Variants in CACNA1C observed in about 807,000 individuals in gnomAD.
The protein encoded by CACNA1C is voltage-dependent L-type calcium channel subunit alpha-1C.
Under a neutral mutation model 229.0 loss-of-function variants are expected in CACNA1C, and 30 were observed. The observed-to-expected ratio is 0.13, with a 90% CI of 0.10 to 0.18. CACNA1C has a LOEUF of 0.18. Among genes scored for constraint, CACNA1C ranks in the 10% least tolerant of loss-of-function variants. CACNA1C has a pLI of 1.00. For missense variants in CACNA1C, 1,658 were observed against 2,845.0 expected, an observed-to-expected ratio of 0.58 and a Z score of 9.49; for synonymous variants, 1,114 against 1,132.5, an observed-to-expected ratio of 0.98 and a Z score of 0.33.
chr12:2,668,882 C>CCCTAAGCA, intron 37 of CACNA1C, 51 bp from the exon 38 acceptor site: 1 of 1,230,692 alleles, frequency 8.1e-7, no homozygotes, highest in East Asian at 2.3e-5. Context: ...TTCTGCGGTC[C>CCCTAAGCA]CCTAAGCACC....
intron 11 of CACNA1C, among the ~76,000 whole-genome samples, chr12:2,561,204 G>A (rs1267126472): frequency 6.6e-6 from 1 of 152,200 alleles, no homozygotes; most frequent in Non-Finnish European, 1.5e-5. Context: ...TGGGTCTTGT[G>A]AGCTCCGCGG....
At chr12:2,584,426 C>A in intron 15 of CACNA1C, 77 bp from the exon 16 acceptor site, 1 of 981,580 alleles carries the variant, frequency 1.0e-6, no homozygotes, top group Non-Finnish European at 1.6e-6. Flanking sequence ...ACCCTGCACG[C>A]CCCACATCCC....
intron 1 of CACNA1C, among the ~76,000 whole-genome samples, chr12:2,098,091 G>A (rs2154094655): frequency 6.6e-6 from 1 of 152,356 alleles, no homozygotes; most frequent in South Asian, 2.1e-4. Context: ...CCTGGGGCTG[G>A]AATTCAGATT....
chr12:2,592,641 A>T (rs979749119), intron 18 of CACNA1C, among the ~76,000 whole-genome samples: 8 of 151,912 alleles, frequency 5.3e-5, no homozygotes, highest in Non-Finnish European at 1.0e-4. Flanking sequence ...CAGTGTCTAA[A>T]CCTTTGCATG....
At chr12:1,981,521 T>G (rs113285810) in intron 1 of CACNA1C, among the ~76,000 whole-genome samples, 4,145 of 152,282 alleles carry the variant, frequency 0.027, 95 homozygotes, top group Middle Eastern at 0.054. Context: ...TAAGCACAAC[T>G]AGTAATTGCC....
chr12:2,165,300 T>C (rs1297024104), intron 3 of CACNA1C, among the ~76,000 whole-genome samples: 3 of 152,232 alleles, frequency 2.0e-5, no homozygotes, highest in African/African-American at 7.2e-5. Flanking sequence ...AGACACTTCA[T>C]TCTTGAGGTG....
At chr12:2,294,748 C>T in intron 3 of CACNA1C, among the ~76,000 whole-genome samples, 1 of 152,174 alleles carries the variant, frequency 6.6e-6, no homozygotes, top group South Asian at 2.1e-4. Context: ...GCATCTCTGG[C>T]AGCCGCTGGG....
intron 3 of CACNA1C, among the ~76,000 whole-genome samples, chr12:2,242,274 A>C (rs2070783534): frequency 6.6e-6 from 1 of 152,204 alleles, no homozygotes; most frequent in African/African-American, 2.4e-5. Flanking sequence ...AGGAGTCTTC[A>C]CTTTCCCGCA....
chr12:2,018,608 G>A (rs181750116), intron 1 of CACNA1C, among the ~76,000 whole-genome samples: 2 of 152,292 alleles, frequency 1.3e-5, no homozygotes, highest in Admixed American at 6.5e-5. Flanking sequence ...ATGGAGCCAT[G>A]CGTGGGCGTT....
intron 5 of CACNA1C, among the ~76,000 whole-genome samples, chr12:2,458,963 CT>C (rs1270118826): frequency 3.4e-5 from 5 of 146,232 alleles, no homozygotes; most frequent in Admixed American, 6.9e-5. Context: ...TCTTGATTGT[CT>C]TGGATTCTTT....
At chr12:2,031,043 C>A (rs1313916973) in intron 1 of CACNA1C, among the ~76,000 whole-genome samples, 1 of 152,166 alleles carries the variant, frequency 6.6e-6, no homozygotes, top group Admixed American at 6.5e-5. Context: ...TCAACTTACC[C>A]ATAATTAAGG....
At chr12:2,088,574 G>A (rs1266241691) in intron 1 of CACNA1C, among the ~76,000 whole-genome samples, 1 of 152,178 alleles carries the variant, frequency 6.6e-6, no homozygotes, top group African/African-American at 2.4e-5. Flanking sequence ...TGAGAACAGG[G>A]TCTGGCCCAC....
chr12:2,301,177 T>C (rs537052150), intron 3 of CACNA1C, among the ~76,000 whole-genome samples: 1 of 152,280 alleles, frequency 6.6e-6, no homozygotes, highest in African/African-American at 2.4e-5. Flanking sequence ...GCCCCAGGGC[T>C]GAGCTGATGG....
chr12:1,981,446 T>G (rs533901087), intron 1 of CACNA1C, among the ~76,000 whole-genome samples: 5 of 152,348 alleles, frequency 3.3e-5, no homozygotes. Context: ...AAGACACCTT[T>G]GCCCTGAAGG....
intron 1 of CACNA1C, among the ~76,000 whole-genome samples, chr12:2,027,059 T>G (rs1220243886): frequency 6.6e-6 from 1 of 152,252 alleles, no homozygotes. Context: ...TTCATTAAAT[T>G]AAAATGGTTA....
intron 1 of CACNA1C, among the ~76,000 whole-genome samples, chr12:1,996,672 T>C (rs2040999844): frequency 1.6e-5 from 2 of 121,478 alleles, no homozygotes; most frequent in African/African-American, 6.2e-5. Flanking sequence ...ACTCTTCTAA[T>C]GTTTTAAAGA....
chr12:2,023,119 G>A (rs117254616), intron 1 of CACNA1C, among the ~76,000 whole-genome samples: 3,750 of 152,288 alleles, frequency 0.025, 62 homozygotes, highest in Non-Finnish European at 0.038. Flanking sequence ...TTCTGGGTCT[G>A]CCATTAAAAA....
intron 1 of CACNA1C, among the ~76,000 whole-genome samples, chr12:2,109,196 C>A (rs545337958): frequency 8.7e-4 from 132 of 152,304 alleles, no homozygotes; most frequent in African/African-American, 3.2e-3. Flanking sequence ...GGCTGGCAGC[C>A]CCAGACCTTT....
intron 3 of CACNA1C, among the ~76,000 whole-genome samples, chr12:2,175,036 C>T (rs2096606208): frequency 6.6e-6 from 1 of 152,076 alleles, no homozygotes; most frequent in Non-Finnish European, 1.5e-5. Context: ...ATGTAAGTGA[C>T]CCACGCTGTT....
Sources: allele counts gnomAD v4.1 joint callset (sites outside exome capture counted in the v4.1 genomes callset), GRCh38; gene constraint gnomAD v4.1.1; transcripts MANE v1.5; gene names NCBI Gene and HGNC (gene_info 2026-07-23, HGNC 2026-07-21).